Variants in TNKS observed in about 807,000 individuals in gnomAD.
The protein encoded by TNKS is tankyrase, also known as poly [ADP-ribose] polymerase tankyrase-1.
A neutral mutation model predicts 135.8 loss-of-function variants in TNKS; 72 were observed. The observed-to-expected ratio is 0.53, with a 90% CI of 0.44 to 0.64. The LOEUF (loss-of-function observed/expected upper bound fraction) is 0.64. Among genes scored for constraint, TNKS ranks in the 30% least tolerant of loss-of-function variants. The pLI is 0.00. For synonymous variants in TNKS, 849 were observed against 649.3 expected (o/e 1.31, Z -4.68); for missense variants, 1,769 against 1,674.0 (o/e 1.06, Z -0.99).
At position 9,588,568 on chromosome 8, in the gene TNKS, G is replaced by A. The variant is rs750234657; in HGVS notation, c.898+8185G>A. ...TGGGATTATAGGCGTGAGCTGCCGCGCCCGGCCCCAAATTGTTTCTTTTAT... is the reference window on the plus strand; with the variant it reads ...TGGGATTATAGGCGTGAGCTGCCGCACCCGGCCCCAAATTGTTTCTTTTAT... On this transcript the variant is annotated intron_variant, in intron 2 of 26. Transcript: ENST00000310430. Among the ~76,000 whole-genome samples the A allele has an allele frequency of 2.2e-4, 34 of 152,304 alleles. No homozygotes were observed. The South Asian group carries it at 3.1e-3, about 14-fold the overall frequency.
intron 26 of TNKS, among the ~76,000 whole-genome samples, chr8:9,775,268 T>C (rs1482296977): frequency 6.6e-6 from 1 of 151,908 alleles, no homozygotes. Flanking sequence ...AGATAGTTTC[T>C]TTTGTGAGAA....
At chr8:9,601,519 C>G (rs1049201446) in intron 2 of TNKS, among the ~76,000 whole-genome samples, 5 of 152,088 alleles carry the variant, frequency 3.3e-5, no homozygotes, top group African/African-American at 9.7e-5. Flanking sequence ...TAATTTGGAA[C>G]TAAGATTGAG....
chr8:9,568,835 T>C lies in TNKS; in HGVS notation c.674-11324T>C, dbSNP rs57409491. On this transcript the variant is annotated intron_variant, in intron 1 of 26. Transcript: ENST00000310430. The stretch of plus-strand genomic sequence containing the variant: ...TTCTGTACCCACAGTTGATAAGTAA[T>C]AGTTTCCTAAGGGTTAGTTGCAACG... Among the ~76,000 whole-genome samples, 1,462 of 152,324 alleles carry C rather than the reference T, an allele frequency of 9.6e-3. 19 individuals are homozygous for C. Among genetic ancestry groups the C allele is most frequent in the African/African-American group, 0.033 (1,377 of 41,570 alleles).
chr8:9,704,948 C>T (rs1563179257), intron 6 of TNKS, among the ~76,000 whole-genome samples, 191 bp downstream of exon 6: 1 of 152,092 alleles, frequency 6.6e-6, no homozygotes, highest in Non-Finnish European at 1.5e-5. Flanking sequence ...ATAATAATTT[C>T]CCAAATCAAT....
chr8:9,641,187 C>G (rs1800715454), intron 3 of TNKS, among the ~76,000 whole-genome samples: 2 of 145,644 alleles, frequency 1.4e-5, no homozygotes, highest in Non-Finnish European at 3.0e-5. Context: ...TTAACAGTTT[C>G]CTTAAAGATA....
At chr8:9,770,571 C>T (rs1272048298) in intron 26 of TNKS, among the ~76,000 whole-genome samples, 1 of 152,210 alleles carries the variant, frequency 6.6e-6, no homozygotes, top group Non-Finnish European at 1.5e-5. Flanking sequence ...ACTTCGTGGG[C>T]AGCATGCCAG....
chr8:9,725,519 A>T (rs978711033), intron 12 of TNKS, among the ~76,000 whole-genome samples: 1 of 152,196 alleles, frequency 6.6e-6, no homozygotes, highest in Non-Finnish European at 1.5e-5. Flanking sequence ...CAACCTCTTC[A>T]TAGCATCACT....
At chr8:9,585,794 G>C (rs530573926) in intron 2 of TNKS, among the ~76,000 whole-genome samples, 7 of 152,200 alleles carry the variant, frequency 4.6e-5, no homozygotes, top group Admixed American at 4.6e-4. Flanking sequence ...AGACTGAGGG[G>C]ATCCTCACTG....
chr8:9,734,641 T>G (rs996535331), intron 15 of TNKS, among the ~76,000 whole-genome samples: 1 of 152,184 alleles, frequency 6.6e-6, no homozygotes, highest in Admixed American at 6.5e-5. Flanking sequence ...TCTCCCTACT[T>G]TATCATCACC....
In TNKS at chr8:9,717,683, G is replaced by A. The variant is rs144149159; in HGVS notation, c.1750-2691G>A. 5.9e-3 allele frequency among the ~76,000 whole-genome samples: 892 copies of A among 152,206 alleles called. 9 individuals are homozygous for A. The highest frequency in any genetic ancestry group is 0.026 in the South Asian group (125 of 4,816). Reference sequence around the variant, plus strand: ...AAGGCATGGTACTTACTGCTGAGAGGATGTATAAAGTTTGAATTTGATCAA... The same window carrying A: ...AAGGCATGGTACTTACTGCTGAGAGAATGTATAAAGTTTGAATTTGATCAA... On this transcript the variant is annotated intron_variant, in intron 11 of 26. Coordinates refer to ENST00000310430, the MANE Select transcript of TNKS (RefSeq NM_003747.3).
intron 8 of TNKS, 89 bp from the exon 9 acceptor site, chr8:9,708,282 T>C (rs918890671): frequency 1.6e-4 from 186 of 1,164,446 alleles, no homozygotes; most frequent in Admixed American, 8.4e-4. Flanking sequence ...ATTCATAAAA[T>C]AATAATATTC....
At chr8:9,696,746 G>C (rs1803531824) in intron 5 of TNKS, among the ~76,000 whole-genome samples, 1 of 152,118 alleles carries the variant, frequency 6.6e-6, no homozygotes, top group South Asian at 2.1e-4. Context: ...CTATCCCAGA[G>C]AGATGAAAGA....
rs751476155 is a variant in TNKS at position 9,751,760 on chromosome 8, T to G, written c.2984T>G (p.Leu995Arg). The change falls in exon 19 of 27, where the codon CTC becomes CGC. Residue 995 changes from leucine (L) to arginine (R), a missense_variant. This residue lies in a region of TNKS where 722 missense variants were observed against 688.9 expected (regional missense o/e 1.05). Coordinates refer to ENST00000310430, the MANE Select transcript of TNKS (RefSeq NM_003747.3). ...TCGGCTGCCAGCAGCATAGACAACCTCACTGGCCCTTTAGCAGAGTTGGCC... is the reference window on the plus strand; with the variant it reads ...TCGGCTGCCAGCAGCATAGACAACCGCACTGGCCCTTTAGCAGAGTTGGCC... ...CLSAASSIDN[L>R]TGPLAELAVG... 7.4e-6 allele frequency: 12 copies of G among 1,613,982 alleles called. No homozygotes were observed. Among genetic ancestry groups the G allele is most frequent in the Admixed American group, 1.7e-5 (1 of 59,994 alleles).
chr8:9,746,133 T>G (rs1004766633), intron 17 of TNKS, among the ~76,000 whole-genome samples: 3 of 152,184 alleles, frequency 2.0e-5, no homozygotes, highest in African/African-American at 7.2e-5. Context: ...TTATCCAAAC[T>G]GACCAAGTTA....
chr8:9,757,067 C>T (rs936991001), intron 20 of TNKS, among the ~76,000 whole-genome samples: 16 of 152,316 alleles, frequency 1.1e-4, no homozygotes, highest in Non-Finnish European at 1.6e-4. Flanking sequence ...ACCTCCGCCT[C>T]CCAGGTTCAC....
chr8:9,740,813 T>A (rs1184069795), intron 17 of TNKS: 2 of 141,346 alleles, frequency 1.4e-5, no homozygotes, highest in African/African-American at 2.6e-5. Context: ...TACATTTATA[T>A]GTAATTCTTG....
chr8:9,579,414 C>G (rs113621883), intron 1 of TNKS, among the ~76,000 whole-genome samples: 27 of 152,236 alleles, frequency 1.8e-4, no homozygotes, highest in East Asian at 1.5e-3. Context: ...TAATACAATG[C>G]TGTGTGTTGT....
At chr8:9,564,696 C>T (rs969399103) in intron 1 of TNKS, among the ~76,000 whole-genome samples, 6 of 152,118 alleles carry the variant, frequency 3.9e-5, no homozygotes, top group Non-Finnish European at 8.8e-5. Context: ...TATGTTTATT[C>T]TTCTGATAGC....
chr8:9,735,967 T>C (rs1375347733), intron 17 of TNKS, among the ~76,000 whole-genome samples: 4 of 151,852 alleles, frequency 2.6e-5, no homozygotes, highest in East Asian at 1.9e-4. Context: ...CCGGCTAAGC[T>C]TAACTACCTT....
Sources: allele counts gnomAD v4.1 joint callset (sites outside exome capture counted in the v4.1 genomes callset), GRCh38; gene constraint gnomAD v4.1.1; regional missense constraint gnomAD v4.1.1; transcripts MANE v1.5; gene names NCBI Gene and HGNC (gene_info 2026-07-23, HGNC 2026-07-21).